The following SHOC1 variants were observed in gnomAD, a reference collection of about 807,000 sequenced individuals.
The protein encoded by SHOC1 is protein shortage in chiasmata 1 ortholog.
A neutral mutation model predicts 179.2 loss-of-function variants in SHOC1; 136 were observed. The observed-to-expected ratio is 0.76, with a 90% CI of 0.66 to 0.87. The LOEUF is 0.87. Among genes scored for constraint, SHOC1 ranks in the 40% least tolerant of loss-of-function variants. The probability of loss-of-function intolerance (pLI) is 0.00; values close to 1 mark genes in which losing one functional copy is unlikely to be tolerated. For synonymous variants in SHOC1, 489 were observed against 586.6 expected, an observed-to-expected ratio of 0.83 and a Z score of 2.41; for missense variants, 1,538 against 1,700.8, an observed-to-expected ratio of 0.90 and a Z score of 1.68.
rs997069867 is a variant in SHOC1, at chr9:111,686,543, T to G, written c.*227A>C. The G allele has an allele frequency of 2.6e-6, 1 of 380,072 alleles. No individual in the cohort carries two copies. The highest frequency in any genetic ancestry group is 2.1e-5 in the African/African-American group (1 of 47,280). The allele number at this position is 380,072 out of a possible 1,614,324, so 23.5% of individuals were successfully genotyped here. A position where few individuals can be genotyped will look rare whatever the true frequency, so the allele number is the denominator to read the frequency against. ...TGTGCAGGGGTGTCTGGAAGACATT[T>G]TGGATCTTATGATAATTATTCTGCT... On this transcript the variant is annotated 3_prime_UTR_variant, in exon 28 of 28. Transcript: ENST00000682961.
chr9:111,736,317 C>T (rs573691291), intron 12 of SHOC1, among the ~76,000 whole-genome samples: 1 of 152,196 alleles, frequency 6.6e-6, no homozygotes, highest in East Asian at 1.9e-4. Flanking sequence ...TCCAACTATA[C>T]TATAGGGCTA....
chr9:111,693,825 G>A lies in SHOC1; in HGVS notation c.3439C>T (p.Pro1147Ser), dbSNP rs1200241594. 1.2e-6 allele frequency: 2 copies of A among 1,609,708 alleles called. No homozygotes were observed. Among genetic ancestry groups the A allele is most frequent in the Admixed American group, 3.4e-5 (2 of 59,528 alleles). Residue 1147 changes from proline (P) to serine (S), a missense_variant, in exon 26 of 28, where the codon CCT (proline) becomes TCT (serine). Physicochemically the swap from Pro to Ser is moderately conservative, Grantham distance 74 (BLOSUM62 -1). Coordinates refer to ENST00000682961, the MANE Select transcript of SHOC1 (RefSeq NM_001378211.1). The stretch of plus-strand genomic sequence containing the variant: ...TTTAACACTTTTTCTGGGACTTCAG[G>A]TAGGAGTTCCTGAAGTTGACACAGA... Reference protein sequence around the residue: ...ATLCQLQELLPEVPEKVLKHF... With the variant: ...ATLCQLQELLSEVPEKVLKHF...
chr9:111,767,778 ATTG>A (rs1485915917), intron 5 of SHOC1, among the ~76,000 whole-genome samples: 5 of 152,220 alleles, frequency 3.3e-5, no homozygotes, highest in South Asian at 2.1e-4. Context: ...TGCTTTGGAT[ATTG>A]TTGTTATTTT....
intron 25 of SHOC1, 23 bp from the exon 26 acceptor site, chr9:111,693,971 A>G (rs200952340): frequency 6.3e-7 from 1 of 1,577,340 alleles, no homozygotes; most frequent in Non-Finnish European, 8.7e-7. Flanking sequence ...TTAAGAAATA[A>G]TCAGTCAGTA....
At chr9:111,784,519 G>C (rs1353337804) in intron 3 of SHOC1, among the ~76,000 whole-genome samples, 1 of 152,098 alleles carries the variant, frequency 6.6e-6, no homozygotes, top group Non-Finnish European at 1.5e-5. Flanking sequence ...CTCTCCTCTT[G>C]ACTTTTAAAT....
chr9:111,773,276 C>T (rs1489657593), intron 5 of SHOC1, among the ~76,000 whole-genome samples: 1 of 152,104 alleles, frequency 6.6e-6, no homozygotes, highest in African/African-American at 2.4e-5. Flanking sequence ...ACTCTCTAAA[C>T]TATATGCATA....
intron 22 of SHOC1, among the ~76,000 whole-genome samples, chr9:111,703,079 CG>C (rs1832059081): frequency 1.3e-5 from 2 of 151,930 alleles, no homozygotes; most frequent in South Asian, 4.1e-4. Context: ...CATTGCACTC[CG>C]GGCTGGGCAA....
rs947422623 is a variant in SHOC1, at chr9:111,713,930, G to A, written c.2415+515C>T. Among the ~76,000 whole-genome samples, 8 of 152,198 alleles carry A rather than the reference G, an allele frequency of 5.3e-5. No individual in the cohort carries two copies. In the East Asian group the frequency reaches 5.8e-4, roughly 11 times the overall value. ...CATTGAGTTCTATTATTATGTATAC[G>A]TTCATGGACTTATATAAGTACTAGA... On this transcript the variant is annotated intron_variant, in intron 17 of 27. Transcript: ENST00000682961.
intron 4 of SHOC1, among the ~76,000 whole-genome samples, chr9:111,778,025 G>A (rs768656963): frequency 7.2e-5 from 11 of 152,090 alleles, no homozygotes; most frequent in Non-Finnish European, 1.3e-4. Context: ...TAAAATAAAT[G>A]TTGCTGACAG....
intron 19 of SHOC1, among the ~76,000 whole-genome samples, chr9:111,706,981 T>C (rs17342988): frequency 0.016 from 2,486 of 152,194 alleles, 34 homozygotes; most frequent in Non-Finnish European, 0.026. Context: ...GTAACCTATT[T>C]CATATCCTCA....
chr9:111,686,940 T>TC, intron 27 of SHOC1, 70 bp from the exon 28 acceptor site: 1 of 154,254 alleles, frequency 6.5e-6, no homozygotes, highest in Admixed American at 1.5e-4. Context: ...TTTCTTTTCC[T>TC]TTTTTTTTTT....
At chr9:111,777,114 G>A (rs80040432) in intron 4 of SHOC1, among the ~76,000 whole-genome samples, 28,583 of 152,012 alleles carry the variant, frequency 0.19, 2,876 homozygotes, top group Non-Finnish European at 0.22. Flanking sequence ...TGGGATCGCA[G>A]AACTGGTTGA....
chr9:111,777,068 G>A (rs1374016057), intron 4 of SHOC1, among the ~76,000 whole-genome samples: 1 of 152,166 alleles, frequency 6.6e-6, no homozygotes, highest in Non-Finnish European at 1.5e-5. Flanking sequence ...TATAGGGGGT[G>A]GAAGTGAGGT....
intron 24 of SHOC1, among the ~76,000 whole-genome samples, chr9:111,699,281 C>T (rs1340794815): frequency 2.6e-5 from 4 of 152,114 alleles, no homozygotes; most frequent in African/African-American, 9.7e-5. Flanking sequence ...AATAGTGATA[C>T]CATAAACTAA....
At chr9:111,709,500 AT>A (rs907492342) in intron 18 of SHOC1, among the ~76,000 whole-genome samples, 21 of 151,962 alleles carry the variant, frequency 1.4e-4, no homozygotes, top group African/African-American at 4.8e-4. Context: ...AGGCAGAAAA[AT>A]AAAAGCCTTG....
intron 19 of SHOC1, among the ~76,000 whole-genome samples, chr9:111,706,952 T>C (rs531664558): frequency 6.6e-6 from 1 of 152,240 alleles, no homozygotes; most frequent in South Asian, 2.1e-4. Flanking sequence ...TACATTTTTA[T>C]ACCAGGATAT....
chr9:111,790,798 G>A (rs796911348), intron 2 of SHOC1, among the ~76,000 whole-genome samples: 7 of 151,934 alleles, frequency 4.6e-5, no homozygotes, highest in South Asian at 4.1e-4. Flanking sequence ...CACCCGCCTC[G>A]GCCTCCCAAA....
chr9:111,775,866 G>C lies in SHOC1; in HGVS notation c.367C>G (p.His123Asp), dbSNP rs1835812280. The C allele has an allele frequency of 1.2e-6, 2 of 1,613,762 alleles. No homozygotes were observed. Among genetic ancestry groups the C allele is most frequent in the Middle Eastern group, 1.7e-4 (1 of 6,058 alleles). ...IEVEEVSLYT[H>D]MDYNEVFTPV... ...GTAAAGACTTCATTGTAGTCCATGT[G>C]GGTGTATAAACTGACCTCCTCTACT... The change falls in exon 5 of 28, where the codon CAC becomes GAC. Residue 123 changes from histidine to aspartate, a missense_variant. His to Asp is a moderately conservative substitution (Grantham distance 81, BLOSUM62 -1). Transcript: ENST00000682961.
chr9:111,740,075 T>C (rs1833966656), intron 11 of SHOC1, among the ~76,000 whole-genome samples: 1 of 152,222 alleles, frequency 6.6e-6, no homozygotes, highest in Non-Finnish European at 1.5e-5. Context: ...TAGCAGTACT[T>C]AAGAGAAATT....
Sources: allele counts gnomAD v4.1 joint callset (sites outside exome capture counted in the v4.1 genomes callset), GRCh38; gene constraint gnomAD v4.1.1; transcripts MANE v1.5; gene names NCBI Gene and HGNC (gene_info 2026-07-23, HGNC 2026-07-21).